Variants in OSBPL6 observed in about 807,000 individuals in gnomAD.
OSBPL6 encodes the protein oxysterol binding protein like 6, also known as oxysterol-binding protein-related protein 6.
A neutral mutation model predicts 125.8 loss-of-function variants in OSBPL6; 49 were observed. That is an observed-to-expected ratio of 0.39 (90% CI 0.31 to 0.49). The LOEUF (loss-of-function observed/expected upper bound fraction) is 0.49. OSBPL6 is among the 20% of genes least tolerant of loss of function. The probability of loss-of-function intolerance (pLI) is 0.88; values close to 1 mark genes in which losing one functional copy is unlikely to be tolerated. For synonymous variants in OSBPL6, 394 were observed against 391.8 expected (o/e 1.01, Z -0.07); for missense variants, 986 against 1,135.4 (o/e 0.87, Z 1.89).
At chr2:178,282,296 A>C (rs1410269440) in intron 1 of OSBPL6, among the ~76,000 whole-genome samples, 2 of 152,064 alleles carry the variant, frequency 1.3e-5, no homozygotes, top group Non-Finnish European at 2.9e-5. Flanking sequence ...GCGATGGGAG[A>C]GGGCGGAGGA....
chr2:178,380,966 C>T (rs1694417893), intron 15 of OSBPL6, among the ~76,000 whole-genome samples: 2 of 152,178 alleles, frequency 1.3e-5, no homozygotes, highest in African/African-American at 4.8e-5. Flanking sequence ...ATAATACTCA[C>T]CAAAATGTTA....
intron 22 of OSBPL6, among the ~76,000 whole-genome samples, chr2:178,392,050 A>G (rs16866323): frequency 0.024 from 3,692 of 152,332 alleles, 124 homozygotes; most frequent in East Asian, 0.19. Context: ...TCTAAAAGGA[A>G]GCAAACAAGT....
chr2:178,317,689 G>A lies in OSBPL6; in HGVS notation c.103-6488G>A, dbSNP rs890294983. 2.0e-5 allele frequency among the ~76,000 whole-genome samples: 3 copies of A among 150,392 alleles called. No homozygotes were observed. In the East Asian group the frequency reaches 5.8e-4, roughly 29 times the overall value. ...GGTGATCAAAACAGTCCAACTTTCT[G>A]TCTCAAATGAACCTACATAAATATT... On this transcript the variant is annotated intron_variant, in intron 3 of 24. Coordinates refer to ENST00000190611, the MANE Select transcript of OSBPL6 (RefSeq NM_032523.4).
chr2:178,279,892 G>A (rs1379529052), intron 1 of OSBPL6, among the ~76,000 whole-genome samples: 1 of 152,132 alleles, frequency 6.6e-6, no homozygotes, highest in Non-Finnish European at 1.5e-5. Context: ...AAGACCCAGT[G>A]AAATTTCTTA....
chr2:178,331,469 C>G lies in OSBPL6; in HGVS notation c.319-83C>G, dbSNP rs1015914085. 6 of 1,389,190 alleles carry G rather than the reference C, an allele frequency of 4.3e-6. No individual in the cohort carries two copies. In the Admixed American group the frequency reaches 5.0e-5, roughly 12 times the overall value. 86.1% of individuals were successfully genotyped at this position (1,389,190 alleles called of 1,614,324 possible). A position where few individuals can be genotyped will look rare whatever the true frequency, so the allele number is the denominator to read the frequency against. ...GATCAAACATATTGATTAATAAATGCCAAGCAACATTAGACCCACATTTGT... is the reference window on the plus strand; with the variant it reads ...GATCAAACATATTGATTAATAAATGGCAAGCAACATTAGACCCACATTTGT... On this transcript the variant is annotated intron_variant, in intron 5 of 24. Coordinates refer to ENST00000190611, the MANE Select transcript of OSBPL6 (RefSeq NM_032523.4).
At chr2:178,228,237 A>G (rs551108130) in intron 1 of OSBPL6, among the ~76,000 whole-genome samples, 3 of 152,374 alleles carry the variant, frequency 2.0e-5, no homozygotes, top group Non-Finnish European at 4.4e-5. Context: ...TTATCATCCA[A>G]TAAAAATTTA....
chr2:178,295,293 A>G (rs1685643674), intron 2 of OSBPL6, among the ~76,000 whole-genome samples: 1 of 152,194 alleles, frequency 6.6e-6, no homozygotes, highest in Non-Finnish European at 1.5e-5. Flanking sequence ...GTACTTGCCA[A>G]CACCTGGTTC....
intron 1 of OSBPL6, among the ~76,000 whole-genome samples, chr2:178,254,370 G>A (rs954900677): frequency 2.3e-4 from 34 of 149,916 alleles, no homozygotes; most frequent in African/African-American, 7.7e-4. Context: ...TCCAGCCTGG[G>A]TGACAGTCTG....
intron 11 of OSBPL6, 77 bp downstream of exon 11, chr2:178,339,841 C>A: frequency 9.8e-7 from 1 of 1,015,234 alleles, no homozygotes; most frequent in Non-Finnish European, 1.4e-6. Flanking sequence ...AGTTTATGGG[C>A]GTTAGATTGA....
chr2:178,273,574 C>T lies in OSBPL6; in HGVS notation c.-350-11353C>T, dbSNP rs148673561. Among the ~76,000 whole-genome samples the T allele has an allele frequency of 3.0e-3, 452 of 150,910 alleles. 1 individual carries two copies. Among genetic ancestry groups the T allele is most frequent in the African/African-American group, 0.01 (418 of 40,972 alleles). ...CAGCCTGGGTGACAAAGTGATACCC[C>T]GTCTCAAAAAAAAAGTAAACAAGTA... On this transcript the variant is annotated intron_variant, in intron 1 of 24. Coordinates refer to ENST00000190611, the MANE Select transcript of OSBPL6 (RefSeq NM_032523.4).
rs751668729 is a variant in OSBPL6 at position 178,383,090 on chromosome 2, G to T, written c.1688G>T (p.Cys563Phe). 2 of 1,614,154 alleles carry T rather than the reference G, an allele frequency of 1.2e-6. No homozygotes were observed. Among genetic ancestry groups the T allele is most frequent in the Admixed American group, 3.3e-5 (2 of 60,016 alleles). The change falls in exon 17 of 25, where the codon TGT (cysteine) becomes TTT (phenylalanine). Residue 563 changes from cysteine (C) to phenylalanine (F), a missense_variant. Cys to Phe is a radical substitution (Grantham distance 205). This residue lies in a region of OSBPL6 where 843 missense variants were observed against 997.3 expected (regional missense o/e 0.85). Transcript: ENST00000190611. Reference sequence around the variant, plus strand: ...CGTCGAGCATGCCTGCCAGCTCCTTGTCCTGACACCAGTAACATTAACCTG... The same window carrying T: ...CGTCGAGCATGCCTGCCAGCTCCTTTTCCTGACACCAGTAACATTAACCTG... ...NGRRACLPAP[C>F]PDTSNINLWN...
rs1054147649 is a variant in OSBPL6, at chr2:178,297,466, G to T, written c.-155-8564G>T. Among the ~76,000 whole-genome samples the T allele has an allele frequency of 5.3e-5, 8 of 152,102 alleles. No homozygotes were observed. In the South Asian group the frequency reaches 1.7e-3, roughly 32 times the overall value. On this transcript the variant is annotated intron_variant, in intron 2 of 24. Coordinates refer to ENST00000190611, the MANE Select transcript of OSBPL6 (RefSeq NM_032523.4). ...TAGAAAAGAAAAAGAACTAATATTAGGGTGGATATCTACAGTCTGCAAGCA... is the reference window on the plus strand; with the variant it reads ...TAGAAAAGAAAAAGAACTAATATTATGGTGGATATCTACAGTCTGCAAGCA...
chr2:178,334,971 G>T (rs558326762), intron 8 of OSBPL6, among the ~76,000 whole-genome samples: 9 of 152,298 alleles, frequency 5.9e-5, no homozygotes, highest in African/African-American at 1.9e-4. Context: ...GCATCAGGAA[G>T]GTTGGGAACT....
intron 11 of OSBPL6, among the ~76,000 whole-genome samples, chr2:178,347,864 A>G (rs1403019687): frequency 1.3e-5 from 2 of 152,212 alleles, no homozygotes; most frequent in African/African-American, 2.4e-5. Flanking sequence ...TTCAAATAAC[A>G]TATATTAGCA....
intron 1 of OSBPL6, among the ~76,000 whole-genome samples, chr2:178,271,716 A>T (rs1006118410): frequency 6.6e-6 from 1 of 152,228 alleles, no homozygotes; most frequent in Admixed American, 6.5e-5. Flanking sequence ...ACTTTAAAGA[A>T]TATACATAAT....
intron 4 of OSBPL6, among the ~76,000 whole-genome samples, chr2:178,325,092 T>C (rs1208767751): frequency 6.6e-6 from 1 of 152,178 alleles, no homozygotes; most frequent in Non-Finnish European, 1.5e-5. Context: ...AATTCACGTA[T>C]GTCTAAAATG....
intron 1 of OSBPL6, among the ~76,000 whole-genome samples, chr2:178,265,174 C>A (rs1442108205): frequency 7.4e-6 from 1 of 135,104 alleles, no homozygotes; most frequent in Admixed American, 8.2e-5. Context: ...AAGTCACTTC[C>A]CCTGGCCCAG....
chr2:178,313,421 T>A (rs1687464656), intron 3 of OSBPL6, among the ~76,000 whole-genome samples: 1 of 152,168 alleles, frequency 6.6e-6, no homozygotes, highest in Admixed American at 6.5e-5. Context: ...TAGCATCTGT[T>A]ATGGGTGAAT....
rs764478603 is a variant in OSBPL6 at position 178,389,144 on chromosome 2, A to G, written c.2292A>G (p.Thr764=). ...GCAGTGTTTGCATTTGCAAACTCAC[A>G]TTTGTCAAGGTAAATACTATCATAC... The part of the protein sequence containing the change: ...TKSSVCICKL[T]FVKVNYWNSN... The change falls in exon 21 of 25, where the codon ACA becomes ACG. Residue 764 remains threonine, a synonymous_variant. Transcript: ENST00000190611. 1.2e-6 allele frequency: 2 copies of G among 1,613,582 alleles called. No homozygotes were observed. The highest frequency in any genetic ancestry group is 2.2e-5 in the East Asian group (1 of 44,826).
Sources: gnomAD v4.1 joint callset for allele counts (sites outside exome capture counted in the v4.1 genomes callset) on GRCh38, gnomAD v4.1.1 for gene constraint, gnomAD v4.1.1 regional missense constraint, MANE v1.5 for transcripts, NCBI Gene and HGNC (gene_info 2026-07-23, HGNC 2026-07-21) for gene names.